The following CTPS2 variants were observed in gnomAD, a reference collection of about 807,000 sequenced individuals.
The protein encoded by CTPS2 is CTP synthase 2, also known as CTP synthase II.
In CTPS2, 19 loss-of-function variants were observed where a neutral mutation model predicts 46.8. That is an observed-to-expected ratio of 0.41 (90% CI 0.28 to 0.60). The LOEUF is 0.60. Among genes scored for constraint, CTPS2 ranks in the 20% least tolerant of loss-of-function variants. The probability of loss-of-function intolerance (pLI) is 0.35; values close to 1 mark genes in which losing one functional copy is unlikely to be tolerated. For missense variants in CTPS2, 286 were observed against 447.6 expected, an observed-to-expected ratio of 0.64 and a Z score of 3.26; for synonymous variants, 151 against 165.2, an observed-to-expected ratio of 0.91 and a Z score of 0.66.
intron 13 of CTPS2, among the ~76,000 whole-genome samples, chrX:16,663,475 T>C (rs1461780458): frequency 9.0e-6 from 1 of 111,340 alleles, no homozygotes; most frequent in African/African-American, 3.3e-5. Flanking sequence ...GCAATACATA[T>C]TCATATGTGT....
At chrX:16,663,766 G>A (rs768683717) in intron 13 of CTPS2, among the ~76,000 whole-genome samples, 1 of 111,479 alleles carries the variant, frequency 9.0e-6, no homozygotes, top group Admixed American at 9.6e-5. Flanking sequence ...AAGTGAGGTG[G>A]GGGCAAAGGA....
At chrX:16,644,568 A>T (rs947794600) in intron 13 of CTPS2, among the ~76,000 whole-genome samples, 1 of 111,648 alleles carries the variant, frequency 9.0e-6, no homozygotes, top group Admixed American at 9.5e-5. Flanking sequence ...CAAAGCAGAG[A>T]TCAGAGAGAC....
intron 14 of CTPS2, among the ~76,000 whole-genome samples, chrX:16,625,697 G>T (rs766472462): frequency 4.6e-5 from 5 of 108,752 alleles, no homozygotes; most frequent in Non-Finnish European, 9.4e-5. Context: ...TTGAGTGGTG[G>T]AGGTGGCTCT....
At chrX:16,610,907 G>A (rs1337244866) in intron 16 of CTPS2, among the ~76,000 whole-genome samples, 2 of 112,090 alleles carry the variant, frequency 1.8e-5, no homozygotes, top group African/African-American at 6.5e-5. Context: ...GCAGCTGGGG[G>A]CCATTATTCT....
At chrX:16,674,706 CA>C (rs1274985057) in intron 10 of CTPS2, among the ~76,000 whole-genome samples, 1 of 106,600 alleles carries the variant, frequency 9.4e-6, no homozygotes, top group Non-Finnish European at 1.9e-5. Flanking sequence ...GGCGTGGTGG[CA>C]GGCGCCTGTA....
Position 16,702,876 on chromosome X carries a change from C to A in CTPS2, c.27G>T (p.Gly9=), listed in dbSNP as rs752793057. 17 of 1,207,507 alleles carry A rather than the reference C, an allele frequency of 1.4e-5. 1 individual carries two copies. The East Asian group carries it at 3.9e-4, about 27-fold the overall frequency. The change falls in exon 2 of 19, where the codon GGG becomes GGT. Residue 9 remains glycine, a synonymous_variant. Coordinates refer to ENST00000359276, the MANE Select transcript of CTPS2 (RefSeq NM_175859.3). MKYILVTG[G]VISGIGKGII... The stretch of plus-strand genomic sequence containing the variant: ...TCCCTTTACCAATGCCTGAGATGAC[C>A]CCACCCGTGACCAGGATGTACTTCA...
chrX:16,685,867 CAAAAAAAAAAAAAA>C (rs397976604), intron 8 of CTPS2, among the ~76,000 whole-genome samples: 2 of 24,473 alleles, frequency 8.2e-5, no homozygotes, highest in African/African-American at 1.7e-4. Flanking sequence ...ACTCTGTCTC[CAAAAAAAAAAAAAA>C]AAAAAAAAAA....
chrX:16,606,177 T>G (rs1300898000), intron 17 of CTPS2, among the ~76,000 whole-genome samples: 1 of 112,620 alleles, frequency 8.9e-6, no homozygotes, highest in Non-Finnish European at 1.9e-5. Context: ...CAATTGAATA[T>G]CATCAGCGCC....
chrX:16,669,598 C>T (rs750970982), intron 11 of CTPS2, among the ~76,000 whole-genome samples: 2 of 109,981 alleles, frequency 1.8e-5, no homozygotes, highest in South Asian at 3.8e-4. Flanking sequence ...TGGCCCCCAA[C>T]GAGCTTAGAC....
chrX:16,636,810 G>C (rs113081372), intron 14 of CTPS2, among the ~76,000 whole-genome samples: 1 of 110,229 alleles, frequency 9.1e-6, no homozygotes, highest in Non-Finnish European at 1.9e-5. Context: ...CCAGCTACTT[G>C]GGAGGCTGAG....
intron 10 of CTPS2, among the ~76,000 whole-genome samples, chrX:16,677,919 C>T (rs1922412727): frequency 8.9e-6 from 1 of 112,046 alleles, no homozygotes; most frequent in Non-Finnish European, 1.9e-5. Context: ...CAACCAGCAG[C>T]CCTCAGGGCT....
At chrX:16,611,401 T>C (rs545186852) in intron 16 of CTPS2, among the ~76,000 whole-genome samples, 71 of 109,189 alleles carry the variant, frequency 6.5e-4, no homozygotes, top group Middle Eastern at 4.8e-3. Context: ...CCATGAGCCA[T>C]GATAATACCA....
At chrX:16,698,804 G>T in intron 3 of CTPS2, 119 bp downstream of exon 3, 1 of 623,457 alleles carries the variant, frequency 1.6e-6, no homozygotes, top group Non-Finnish European at 2.4e-6. Flanking sequence ...ACTGGCCTCA[G>T]CCTCCCAAAG....
chrX:16,596,340 C>A (rs750331876), intron 17 of CTPS2, among the ~76,000 whole-genome samples: 1 of 103,209 alleles, frequency 9.7e-6, no homozygotes, highest in Non-Finnish European at 2.0e-5. Flanking sequence ...ATCCCTCCCC[C>A]CTCCCCCTAA....
At chrX:16,597,091 T>TA (rs1360331378) in intron 17 of CTPS2, among the ~76,000 whole-genome samples, 3 of 110,515 alleles carry the variant, frequency 2.7e-5, no homozygotes, top group African/African-American at 9.9e-5. Context: ...TTCTGGATAT[T>TA]AGCCCTTTGT....
intron 13 of CTPS2, among the ~76,000 whole-genome samples, chrX:16,666,373 T>A (rs963285852): frequency 2.7e-5 from 3 of 111,972 alleles, no homozygotes; most frequent in African/African-American, 9.7e-5. Context: ...ATTAAATTTT[T>A]CAATGCTTTT....
At chrX:16,647,309 C>T (rs1185683802) in intron 13 of CTPS2, among the ~76,000 whole-genome samples, 1 of 91,282 alleles carries the variant, frequency 1.1e-5, no homozygotes, top group Non-Finnish European at 2.1e-5. Context: ...CTCTTATTGC[C>T]CAGGCTGGAG....
At chrX:16,635,826 G>A (rs1302922901) in intron 14 of CTPS2, among the ~76,000 whole-genome samples, 2 of 112,089 alleles carry the variant, frequency 1.8e-5, no homozygotes, top group South Asian at 3.7e-4. Context: ...AAGTGGGAGG[G>A]CACAAGTTCA....
chrX:16,691,916 G>A (rs960073879), intron 6 of CTPS2, among the ~76,000 whole-genome samples: 42 of 112,008 alleles, frequency 3.7e-4, no homozygotes, highest in Non-Finnish European at 5.6e-4. Flanking sequence ...TTCTCAAAAG[G>A]GCCAGATGGG....
Sources: gnomAD v4.1 joint callset for allele counts (sites outside exome capture counted in the v4.1 genomes callset) on GRCh38, gnomAD v4.1.1 for gene constraint, MANE v1.5 for transcripts, NCBI Gene and HGNC (gene_info 2026-07-23, HGNC 2026-07-21) for gene names.